The following CSMD1 variants were observed in gnomAD, a reference collection of about 807,000 sequenced individuals.
CSMD1 encodes the protein CUB and sushi domain-containing protein 1.
A neutral mutation model predicts 417.5 loss-of-function variants in CSMD1; 213 were observed. The ratio of observed to expected loss-of-function variants is 0.51; its 90% CI spans 0.46 to 0.57. The LOEUF (loss-of-function observed/expected upper bound fraction) is 0.57, where lower values mean the gene tolerates loss of function less well. CSMD1 is among the 20% of genes least tolerant of loss of function. CSMD1 has a pLI of 0.00. For synonymous variants in CSMD1, 2,862 were observed against 1,736.8 expected (o/e 1.65, Z -16.11); for missense variants, 6,923 against 4,529.7 (o/e 1.53, Z -15.17).
intron 1 of CSMD1, among the ~76,000 whole-genome samples, chr8:4,657,108 GATATAAAAGCATCC>G (rs1804279092): frequency 1.3e-5 from 2 of 152,080 alleles, no homozygotes; most frequent in Admixed American, 6.5e-5. Context: ...TTTTCTCTGG[GATATAAAAGCATCC>G]AAAACATCCC....
intron 20 of CSMD1, among the ~76,000 whole-genome samples, chr8:3,365,593 C>A (rs1031449572): frequency 6.6e-6 from 1 of 152,186 alleles, no homozygotes; most frequent in African/African-American, 2.4e-5. Context: ...CGAACCATGT[C>A]ATCAAGACTT....
intron 7 of CSMD1, among the ~76,000 whole-genome samples, chr8:3,677,672 G>A (rs1348559755): frequency 6.6e-6 from 1 of 152,046 alleles, no homozygotes; most frequent in Non-Finnish European, 1.5e-5. Flanking sequence ...TATCCTTTAG[G>A]GCTCTTTGGC....
At chr8:3,623,004 T>C (rs1796330029) in intron 7 of CSMD1, among the ~76,000 whole-genome samples, 1 of 152,190 alleles carries the variant, frequency 6.6e-6, no homozygotes, top group African/African-American at 2.4e-5. Flanking sequence ...TAGATAGTAA[T>C]AAATATGTTA....
chr8:3,250,962 A>T (rs1800211330), intron 26 of CSMD1, among the ~76,000 whole-genome samples: 1 of 152,180 alleles, frequency 6.6e-6, no homozygotes, highest in South Asian at 2.1e-4. Context: ...TCTGGATATT[A>T]GCCCTTTGTC....
intron 7 of CSMD1, among the ~76,000 whole-genome samples, chr8:3,632,594 T>G (rs899550008): frequency 2.0e-5 from 3 of 152,168 alleles, no homozygotes; most frequent in African/African-American, 7.2e-5. Flanking sequence ...GATTCTGGAT[T>G]TACTACCTAA....
chr8:4,028,323 C>G (rs1429707284), intron 4 of CSMD1, among the ~76,000 whole-genome samples: 2 of 152,068 alleles, frequency 1.3e-5, no homozygotes, highest in African/African-American at 4.8e-5. Flanking sequence ...TAATATGAAT[C>G]TTTAATAAAA....
intron 3 of CSMD1, among the ~76,000 whole-genome samples, chr8:4,114,026 A>C (rs954210255): frequency 3.9e-5 from 6 of 152,332 alleles, no homozygotes; most frequent in South Asian, 4.1e-4. Flanking sequence ...CAGAACATCT[A>C]AGATCATTGA....
At chr8:3,048,875 TAA>T (rs71199529) in intron 50 of CSMD1, among the ~76,000 whole-genome samples, 2,711 of 143,918 alleles carry the variant, frequency 0.019, 24 homozygotes, top group East Asian at 0.033. Flanking sequence ...AAAGAACTCT[TAA>T]AAAAAAAAAA....
At position 3,303,102 on chromosome 8, in the gene CSMD1, A is replaced by C. The variant is rs183082161; in HGVS notation, c.3950+4593T>G. Among the ~76,000 whole-genome samples the C allele has an allele frequency of 1.4e-3, 219 of 152,274 alleles. 2 individuals are homozygous for C. Among genetic ancestry groups the C allele is most frequent in the Non-Finnish European group, 2.2e-3 (153 of 68,004 alleles). On this transcript the variant is annotated intron_variant, in intron 25 of 69. Coordinates refer to ENST00000635120, the MANE Select transcript of CSMD1 (RefSeq NM_033225.6). ...TTTCTTTGTATTGTCTATGAAAACT[A>C]AGGGAAGGGTCTATAGTGATGTTGA...
chr8:3,300,361 G>GT (rs77577063), intron 25 of CSMD1, among the ~76,000 whole-genome samples: 8,828 of 150,990 alleles, frequency 0.058, 367 homozygotes, highest in Admixed American at 0.12. Context: ...ACATTTAGGG[G>GT]TTTTTTTTTC....
At chr8:4,660,420 G>T (rs1382089123) in intron 1 of CSMD1, among the ~76,000 whole-genome samples, 1 of 151,982 alleles carries the variant, frequency 6.6e-6, no homozygotes, top group Admixed American at 6.6e-5. Flanking sequence ...TGTCAGAAAA[G>T]TAAACATAGG....
In CSMD1 at chr8:3,348,672, TCCCTG is replaced by T. The variant is rs763151174; in HGVS notation, c.3305-516_3305-512del. 1.1e-3 allele frequency among the ~76,000 whole-genome samples: 169 copies of T among 152,324 alleles called. 1 individual carries two copies. Among genetic ancestry groups the T allele is most frequent in the Non-Finnish European group, 2.0e-3 (137 of 68,036 alleles). On this transcript the variant is annotated intron_variant, in intron 21 of 69. Transcript: ENST00000635120. ...ACTGAGTTATCTTCAGGATGTCACA[TCCCTG>T]AATGCCTCAGCATTATGTCTTATAA...
intron 3 of CSMD1, among the ~76,000 whole-genome samples, chr8:4,360,200 G>C (rs4875339): frequency 1.4e-4 from 21 of 151,988 alleles, no homozygotes; most frequent in African/African-American, 4.6e-4. Context: ...CGTGGCATTT[G>C]TCACCATTTT....
chr8:4,297,667 C>G (rs888411192), intron 3 of CSMD1, among the ~76,000 whole-genome samples: 1 of 152,174 alleles, frequency 6.6e-6, no homozygotes, highest in African/African-American at 2.4e-5. Flanking sequence ...ATTTTGACTA[C>G]TTTCTGCTAC....
intron 12 of CSMD1, among the ~76,000 whole-genome samples, chr8:3,463,199 C>T (rs751512588): frequency 1.3e-5 from 2 of 152,190 alleles, no homozygotes; most frequent in African/African-American, 4.8e-5. Context: ...ACTGTTCAAC[C>T]TCTCCCTCCA....
At chr8:4,519,174 T>A (rs1803291313) in intron 2 of CSMD1, among the ~76,000 whole-genome samples, 1 of 152,134 alleles carries the variant, frequency 6.6e-6, no homozygotes, top group Non-Finnish European at 1.5e-5. Flanking sequence ...CCTCTTGCAG[T>A]CAGGATTCCC....
intron 47 of CSMD1, among the ~76,000 whole-genome samples, chr8:3,093,701 T>C (rs1815107449): frequency 6.6e-6 from 1 of 151,406 alleles, no homozygotes; most frequent in Admixed American, 6.6e-5. Flanking sequence ...AGCCACTCAA[T>C]TTATGGCACT....
chr8:4,793,094 T>A (rs544974273), intron 1 of CSMD1, among the ~76,000 whole-genome samples: 1 of 152,106 alleles, frequency 6.6e-6, no homozygotes, highest in Non-Finnish European at 1.5e-5. Context: ...CACTGTCATA[T>A]ACAATTTTTT....
At chr8:4,053,302 C>T (rs369994626) in intron 3 of CSMD1, among the ~76,000 whole-genome samples, 4 of 152,142 alleles carry the variant, frequency 2.6e-5, no homozygotes, top group South Asian at 2.1e-4. Flanking sequence ...CTTAGCATTG[C>T]GAATGCATGA....
Sources: gnomAD v4.1 joint callset for allele counts (sites outside exome capture counted in the v4.1 genomes callset) on GRCh38, gnomAD v4.1.1 for gene constraint, MANE v1.5 for transcripts, NCBI Gene and HGNC (gene_info 2026-07-23, HGNC 2026-07-21) for gene names.